Variants in MAF observed in about 807,000 individuals in gnomAD.
MAF encodes the protein transcription factor Maf.
Under a neutral mutation model 22.0 loss-of-function variants are expected in MAF, and 10 were observed. The ratio of observed to expected loss-of-function variants is 0.45; its 90% CI spans 0.28 to 0.77. The LOEUF is 0.77. Among genes scored for constraint, MAF ranks in the 30% least tolerant of loss-of-function variants. The probability of loss-of-function intolerance (pLI) is 0.12; values close to 1 mark genes in which losing one functional copy is unlikely to be tolerated. For missense variants in MAF, 544 were observed against 548.4 expected, an observed-to-expected ratio of 0.99 and a Z score of 0.08; for synonymous variants, 337 against 255.8, an observed-to-expected ratio of 1.32 and a Z score of -3.03.
the MAF span, among the ~76,000 whole-genome samples, chr16:79,357,328 T>G: frequency 6.8e-6 from 1 of 146,716 alleles, no homozygotes; most frequent in African/African-American, 2.6e-5. Context: ...CGGGCGCCTG[T>G]AATCCCAGCT....
At chr16:79,300,850 A>C in the MAF span, among the ~76,000 whole-genome samples, 1 of 152,116 alleles carries the variant, frequency 6.6e-6, no homozygotes, top group East Asian at 1.9e-4. Flanking sequence ...CATTGTATTA[A>C]TGTCAATAAA....
chr16:79,237,002 A>C, the MAF span, among the ~76,000 whole-genome samples: 1 of 151,854 alleles, frequency 6.6e-6, no homozygotes, highest in Non-Finnish European at 1.5e-5. Context: ...GTTGGTTTAG[A>C]ATCAGGACTC....
the MAF span, among the ~76,000 whole-genome samples, chr16:79,340,751 C>G: frequency 3.3e-5 from 5 of 152,072 alleles, no homozygotes; most frequent in African/African-American, 1.2e-4. Flanking sequence ...AGTAGCCCAT[C>G]AGCCACCGCT....
At chr16:79,528,033 C>A in the MAF span, among the ~76,000 whole-genome samples, 7 of 152,104 alleles carry the variant, frequency 4.6e-5, no homozygotes, top group African/African-American at 1.7e-4. Context: ...ATCCCAGCTA[C>A]TCAGGAGGCT....
chr16:79,505,079 A>G, the MAF span, among the ~76,000 whole-genome samples: 2 of 152,220 alleles, frequency 1.3e-5, no homozygotes, highest in Non-Finnish European at 2.9e-5. Flanking sequence ...GTCTTCAGCT[A>G]CGTTTTCAAA....
At chr16:79,354,190 G>T in the MAF span, among the ~76,000 whole-genome samples, 1 of 151,778 alleles carries the variant, frequency 6.6e-6, no homozygotes, top group African/African-American at 2.4e-5. Flanking sequence ...ATAGAGTTTT[G>T]CCATGTTGCC....
At chr16:79,203,690 G>A in the MAF span, 59,180 of 152,010 alleles carry the variant, frequency 0.39, 13,997 homozygotes, top group Non-Finnish European at 0.54. Flanking sequence ...GGCAGACTTC[G>A]TAGAGCCATT....
the MAF span, among the ~76,000 whole-genome samples, chr16:79,576,618 A>G: frequency 1.3e-5 from 2 of 152,072 alleles, no homozygotes; most frequent in African/African-American, 4.8e-5. Flanking sequence ...TCCAATCTTG[A>G]AAAACTTAAA....
chr16:79,372,435 G>C, the MAF span, among the ~76,000 whole-genome samples: 1 of 152,148 alleles, frequency 6.6e-6, no homozygotes, highest in African/African-American at 2.4e-5. Flanking sequence ...TCAGAGACCA[G>C]CTCGACAAAA....
chr16:79,558,196 A>C, the MAF span, among the ~76,000 whole-genome samples: 2 of 152,322 alleles, frequency 1.3e-5, no homozygotes, highest in South Asian at 4.1e-4. Context: ...GGATTGTTGG[A>C]AACAGCCGGA....
the MAF span, among the ~76,000 whole-genome samples, chr16:79,350,427 T>C: frequency 6.6e-6 from 1 of 152,186 alleles, no homozygotes; most frequent in African/African-American, 2.4e-5. Context: ...AGCAGATAAA[T>C]GACACCATTG....
chr16:79,204,306 C>G, the MAF span: 1 of 152,068 alleles, frequency 6.6e-6, no homozygotes, highest in Admixed American at 6.6e-5. Context: ...CAGGTCCGGT[C>G]AGTTCTAGAA....
At chr16:79,498,300 G>A in the MAF span, among the ~76,000 whole-genome samples, 1 of 152,204 alleles carries the variant, frequency 6.6e-6, no homozygotes, top group Non-Finnish European at 1.5e-5. Flanking sequence ...CAGGTTAGCA[G>A]CCATAGACAA....
the MAF span, among the ~76,000 whole-genome samples, chr16:79,571,463 C>T: frequency 6.6e-6 from 1 of 151,812 alleles, no homozygotes; most frequent in Non-Finnish European, 1.5e-5. Flanking sequence ...GTCATTTCCA[C>T]CACTCCATAA....
the MAF span, among the ~76,000 whole-genome samples, chr16:79,486,084 G>A: frequency 2.6e-5 from 4 of 152,132 alleles, no homozygotes; most frequent in Admixed American, 6.5e-5. Flanking sequence ...ACCTGATTAC[G>A]GAGTGTCTCG....
At chr16:79,588,799 G>A (rs1000705597) in intron 1 of MAF, among the ~76,000 whole-genome samples, 27 of 151,700 alleles carry the variant, frequency 1.8e-4, no homozygotes, top group African/African-American at 5.8e-4. Flanking sequence ...TCCCTAATGT[G>A]TTAAAGGGTC....
chr16:79,519,701 G>C, the MAF span, among the ~76,000 whole-genome samples: 1 of 152,220 alleles, frequency 6.6e-6, no homozygotes, highest in Non-Finnish European at 1.5e-5. Flanking sequence ...CCTGCCTGTG[G>C]TTTTCACTGC....
the MAF span, among the ~76,000 whole-genome samples, chr16:79,218,744 TG>T: frequency 1.3e-5 from 2 of 152,204 alleles, no homozygotes; most frequent in Non-Finnish European, 2.9e-5. Context: ...TTAATTAGAG[TG>T]GAAATTCAAA....
chr16:79,302,485 A>C, the MAF span, among the ~76,000 whole-genome samples: 8 of 152,226 alleles, frequency 5.3e-5, no homozygotes, highest in African/African-American at 1.7e-4. Flanking sequence ...TAATCAGTGA[A>C]GCTCCAAAGA....
Sources: gnomAD v4.1 joint callset for allele counts (sites outside exome capture counted in the v4.1 genomes callset) on GRCh38, gnomAD v4.1.1 for gene constraint, MANE v1.5 for transcripts, NCBI Gene and HGNC (gene_info 2026-07-23, HGNC 2026-07-21) for gene names.